Variants in TMCC1 observed in about 807,000 individuals in gnomAD.
TMCC1 encodes transmembrane and coiled-coil domain family 1, also known as transmembrane and coiled-coil domains protein 1.
Under a neutral mutation model 52.4 loss-of-function variants are expected in TMCC1, and 15 were observed. That is an observed-to-expected ratio of 0.29 (90% confidence interval 0.19 to 0.44). The LOEUF (loss-of-function observed/expected upper bound fraction) is 0.44. Ranked by LOEUF, TMCC1 falls within the 20% of genes least tolerant of loss-of-function variation. The pLI, the probability that TMCC1 is intolerant of heterozygous loss-of-function variation, is 1.00. For missense variants in TMCC1, 503 were observed against 806.0 expected, an observed-to-expected ratio of 0.62 and a Z score of 4.55; for synonymous variants, 279 against 301.9, an observed-to-expected ratio of 0.92 and a Z score of 0.79.
chr3:129,839,287 A>G (rs2059314752), intron 2 of TMCC1, among the ~76,000 whole-genome samples: 1 of 152,216 alleles, frequency 6.6e-6, no homozygotes, highest in African/African-American at 2.4e-5. Flanking sequence ...AAGAACTGGG[A>G]ACACACTATA....
At chr3:129,732,791 C>T (rs1226951812) in intron 4 of TMCC1, among the ~76,000 whole-genome samples, 3 of 152,168 alleles carry the variant, frequency 2.0e-5, no homozygotes, top group Non-Finnish European at 4.4e-5. Flanking sequence ...CCCCAATCTG[C>T]TGTCACTGCA....
intron 4 of TMCC1, among the ~76,000 whole-genome samples, chr3:129,726,893 A>AAAAAAAAAAAAAAAAAAAAAAAAAAC (rs1560278979): frequency 6.9e-6 from 1 of 144,356 alleles, no homozygotes; most frequent in African/African-American, 2.5e-5. Flanking sequence ...AAAAAAAAAA[A>AAAAAAAAAAAAAAAAAAAAAAAAAAC]AAAAAGAACC....
At chr3:129,781,339 T>A (rs2055508822) in intron 4 of TMCC1, among the ~76,000 whole-genome samples, 1 of 152,174 alleles carries the variant, frequency 6.6e-6, no homozygotes, top group South Asian at 2.1e-4. Flanking sequence ...GAGACATTTC[T>A]AGGTTCTAGG....
chr3:129,670,608 A>C lies in TMCC1; in HGVS notation c.1233T>G (p.Phe411Leu). The change falls in exon 5 of 7, where the codon TTT (phenylalanine) becomes TTG (leucine). Residue 411 changes from phenylalanine (F) to leucine (L), a missense_variant. Around this residue, in one of 7 missense-constraint regions of TMCC1, gnomAD observed 38 missense variants for 29.8 expected, o/e 1.28. Coordinates refer to ENST00000393238, the MANE Select transcript of TMCC1 (RefSeq NM_001017395.5). ...CACTACCATATTTTGGGCTAGACTG[A>C]AAGTTTGAAATCACTCCCAAAGCCT... ...AGKALGVISN[F>L]QSSPKYGSEE... 1 of 1,614,204 alleles carries C rather than the reference A, an allele frequency of 6.2e-7. No individual in the cohort carries two copies. Among genetic ancestry groups the C allele is most frequent in the East Asian group, 2.2e-5 (1 of 44,878 alleles).
At chr3:129,709,463 G>A (rs1007857800) in intron 4 of TMCC1, among the ~76,000 whole-genome samples, 2 of 101,538 alleles carry the variant, frequency 2.0e-5, no homozygotes, top group East Asian at 3.0e-4. Flanking sequence ...GCGACAGAGC[G>A]AGACTTGCCT....
intron 1 of TMCC1, among the ~76,000 whole-genome samples, chr3:129,887,925 C>CA (rs574774808): frequency 3.7e-4 from 56 of 152,200 alleles, no homozygotes; most frequent in African/African-American, 1.3e-3. Flanking sequence ...GGTAGCTCAG[C>CA]AAAAAATGCA....
intron 4 of TMCC1, among the ~76,000 whole-genome samples, chr3:129,749,365 C>T (rs1050364184): frequency 6.6e-6 from 1 of 151,982 alleles, no homozygotes; most frequent in African/African-American, 2.4e-5. Flanking sequence ...TGACTGTAGT[C>T]ATGTATACAT....
intron 2 of TMCC1, among the ~76,000 whole-genome samples, chr3:129,850,007 G>A (rs1226289083): frequency 1.3e-5 from 2 of 151,210 alleles, no homozygotes; most frequent in Admixed American, 6.6e-5. Flanking sequence ...ATTTAGATTA[G>A]GTATCATTTG....
chr3:129,657,200 C>T (rs1446123960), intron 5 of TMCC1, among the ~76,000 whole-genome samples: 1 of 152,186 alleles, frequency 6.6e-6, no homozygotes, highest in Non-Finnish European at 1.5e-5. Flanking sequence ...AAAGCAGACA[C>T]ATGTGGGATC....
At chr3:129,809,583 A>G (rs969913358) in intron 4 of TMCC1, among the ~76,000 whole-genome samples, 4 of 152,230 alleles carry the variant, frequency 2.6e-5, no homozygotes, top group Non-Finnish European at 5.9e-5. Context: ...GTAACAATAC[A>G]GTATTGTGAA....
chr3:129,745,618 G>A (rs1190602507), intron 4 of TMCC1, among the ~76,000 whole-genome samples: 1 of 152,158 alleles, frequency 6.6e-6, no homozygotes, highest in African/African-American at 2.4e-5. Context: ...AAAGGAGAGA[G>A]AGAGAGAAGC....
chr3:129,888,130 T>C (rs1374026785), intron 1 of TMCC1, among the ~76,000 whole-genome samples: 2 of 152,240 alleles, frequency 1.3e-5, no homozygotes, highest in Non-Finnish European at 2.9e-5. Flanking sequence ...GAAACCACTA[T>C]ACGTGTATGC....
chr3:129,824,045 A>C (rs1284547269), intron 4 of TMCC1, among the ~76,000 whole-genome samples: 1 of 152,156 alleles, frequency 6.6e-6, no homozygotes, highest in African/African-American at 2.4e-5. Context: ...AAACAAACAA[A>C]TGAACTTTGG....
chr3:129,663,883 C>T lies in TMCC1; in HGVS notation c.1511+6447G>A, dbSNP rs564073442. ...TAGGTACTTCCATATATGTTATCTC[C>T]TTTAATAACTTCAACAACCATGTAC... On this transcript the variant is annotated intron_variant, in intron 5 of 6. Coordinates refer to ENST00000393238, the MANE Select transcript of TMCC1 (RefSeq NM_001017395.5). Among the ~76,000 whole-genome samples, 95 of 152,230 alleles carry T rather than the reference C, an allele frequency of 6.2e-4. 1 individual carries two copies. In the South Asian group the frequency reaches 0.014, roughly 22 times the overall value.
chr3:129,801,898 T>C (rs1305296465), intron 4 of TMCC1, among the ~76,000 whole-genome samples: 1 of 152,220 alleles, frequency 6.6e-6, no homozygotes, highest in Admixed American at 6.5e-5. Flanking sequence ...ATTGATCATG[T>C]ACAGTGACAG....
At chr3:129,677,014 A>G (rs892973123) in intron 4 of TMCC1, among the ~76,000 whole-genome samples, 3 of 152,096 alleles carry the variant, frequency 2.0e-5, no homozygotes, top group African/African-American at 7.2e-5. Flanking sequence ...CTCTAATCCC[A>G]GCACTTTGGG....
intron 4 of TMCC1, among the ~76,000 whole-genome samples, chr3:129,823,288 C>G (rs534942877): frequency 6.6e-6 from 1 of 151,794 alleles, no homozygotes; most frequent in Admixed American, 6.6e-5. Context: ...ATCACGCCAC[C>G]GCACTCCAGC....
chr3:129,754,324 T>C (rs1264282169), intron 4 of TMCC1, among the ~76,000 whole-genome samples: 1 of 152,080 alleles, frequency 6.6e-6, no homozygotes, highest in Non-Finnish European at 1.5e-5. Flanking sequence ...ATCAACATAA[T>C]CCCAATCAAA....
intron 4 of TMCC1, among the ~76,000 whole-genome samples, chr3:129,684,830 C>T (rs2089286791): frequency 1.3e-5 from 2 of 152,142 alleles, no homozygotes; most frequent in Admixed American, 1.3e-4. Context: ...ATGGGGAAAG[C>T]ACATTATGGT....
Sources: allele counts gnomAD v4.1 joint callset (sites outside exome capture counted in the v4.1 genomes callset), GRCh38; gene constraint gnomAD v4.1.1; regional missense constraint gnomAD v4.1.1; transcripts MANE v1.5; gene names NCBI Gene and HGNC (gene_info 2026-07-23, HGNC 2026-07-21).